The following BBX variants were observed in gnomAD, a reference collection of about 807,000 sequenced individuals.
BBX encodes the protein HMG box transcription factor BBX.
In BBX, 30 loss-of-function variants were observed where a neutral mutation model predicts 100.2. That is an observed-to-expected ratio of 0.30 (90% CI 0.22 to 0.41). The LOEUF (loss-of-function observed/expected upper bound fraction) is 0.41, where lower values mean the gene tolerates loss of function less well. Ranked by LOEUF, BBX falls within the 10% of genes least tolerant of loss-of-function variation. The probability of loss-of-function intolerance (pLI) is 1.00; values close to 1 mark genes in which losing one functional copy is unlikely to be tolerated. For missense variants in BBX, 1,023 were observed against 1,129.8 expected, an observed-to-expected ratio of 0.91 and a Z score of 1.35; for synonymous variants, 376 against 388.1, an observed-to-expected ratio of 0.97 and a Z score of 0.37.
At chr3:107,583,483 A>G (rs1487226171) in intron 2 of BBX, among the ~76,000 whole-genome samples, 1 of 151,960 alleles carries the variant, frequency 6.6e-6, no homozygotes, top group East Asian at 1.9e-4. Flanking sequence ...TTGATATATC[A>G]TAGTTGTACA....
intron 2 of BBX, among the ~76,000 whole-genome samples, chr3:107,615,255 GA>G (rs1281922862): frequency 1.3e-5 from 2 of 152,172 alleles, no homozygotes; most frequent in African/African-American, 2.4e-5. Flanking sequence ...ATGAGAATAA[GA>G]ATGAGTAAAC....
chr3:107,709,310 CAG>C (rs2061574038), intron 3 of BBX, among the ~76,000 whole-genome samples: 1 of 152,126 alleles, frequency 6.6e-6, no homozygotes, highest in South Asian at 2.1e-4. Context: ...ATAAGGAAGA[CAG>C]ATAACCTATA....
At chr3:107,555,829 C>T (rs1193365275) in intron 2 of BBX, among the ~76,000 whole-genome samples, 2 of 152,186 alleles carry the variant, frequency 1.3e-5, no homozygotes, top group African/African-American at 2.4e-5. Context: ...CTAAAAATTT[C>T]TGTATGAATA....
intron 9 of BBX, among the ~76,000 whole-genome samples, chr3:107,750,885 T>C (rs1399763384): frequency 6.6e-6 from 1 of 152,104 alleles, no homozygotes; most frequent in Admixed American, 6.6e-5. Context: ...AATTCTTGTT[T>C]TAATTAGTCA....
At chr3:107,706,091 C>T (rs887633573) in intron 3 of BBX, among the ~76,000 whole-genome samples, 5 of 146,672 alleles carry the variant, frequency 3.4e-5, no homozygotes, top group Admixed American at 7.0e-5. Context: ...GGCATAATCT[C>T]GGCTCACTAC....
chr3:107,686,012 C>T (rs915703663), intron 3 of BBX, among the ~76,000 whole-genome samples: 2 of 152,006 alleles, frequency 1.3e-5, no homozygotes, highest in African/African-American at 2.4e-5. Flanking sequence ...ATTTCAGAGG[C>T]GGAAAGTGAA....
At chr3:107,697,659 T>C (rs1021592806) in intron 3 of BBX, among the ~76,000 whole-genome samples, 16 of 151,904 alleles carry the variant, frequency 1.1e-4, no homozygotes, top group African/African-American at 3.6e-4. Flanking sequence ...TGTTTGTCTG[T>C]GCCCTGCCCC....
intron 2 of BBX, among the ~76,000 whole-genome samples, chr3:107,544,351 G>A (rs185170272): frequency 6.6e-6 from 1 of 152,290 alleles, no homozygotes; most frequent in Non-Finnish European, 1.5e-5. Context: ...TGTCGTCACA[G>A]AGATACAGAT....
At chr3:107,652,398 A>G (rs997664881) in intron 3 of BBX, among the ~76,000 whole-genome samples, 1 of 110,388 alleles carries the variant, frequency 9.1e-6, no homozygotes, top group Non-Finnish European at 1.9e-5. Context: ...CTGTGTACTT[A>G]TAGACTAAAG....
chr3:107,525,007 C>CG, intron 1 of BBX, among the ~76,000 whole-genome samples: 1 of 148,616 alleles, frequency 6.7e-6, no homozygotes, highest in Non-Finnish European at 1.5e-5. Flanking sequence ...TTTCCCCGCG[C>CG]GGGGAGGGGC....
chr3:107,649,747 A>G (rs182594295), intron 3 of BBX, among the ~76,000 whole-genome samples: 2 of 152,304 alleles, frequency 1.3e-5, no homozygotes, highest in African/African-American at 2.4e-5. Flanking sequence ...TTCTACCGGA[A>G]ATTGGAAGTG....
chr3:107,550,102 G>A (rs1182779055), intron 2 of BBX, among the ~76,000 whole-genome samples: 2 of 152,104 alleles, frequency 1.3e-5, no homozygotes, highest in Non-Finnish European at 2.9e-5. Flanking sequence ...CACTGTGAAT[G>A]TTACAAAGTA....
rs558811729 is a variant in BBX at position 107,557,244 on chromosome 3, T to C, written c.-84+30846T>C. ...TTCATTTTGTGGCTTCTACTTGATATACCACTCTGTATTCTTCAGGGATGA... is the reference window on the plus strand; with the variant it reads ...TTCATTTTGTGGCTTCTACTTGATACACCACTCTGTATTCTTCAGGGATGA... On this transcript the variant is annotated intron_variant, in intron 2 of 17. Transcript: ENST00000325805. 3.3e-3 allele frequency among the ~76,000 whole-genome samples: 496 copies of C among 152,374 alleles called. 1 individual carries two copies. Among genetic ancestry groups the C allele is most frequent in the African/African-American group, 0.012 (481 of 41,588 alleles).
chr3:107,690,793 A>T (rs969048302), intron 3 of BBX, among the ~76,000 whole-genome samples: 1 of 151,516 alleles, frequency 6.6e-6, no homozygotes, highest in African/African-American at 2.4e-5. Context: ...GTAGTGATTT[A>T]CAACATTCTT....
At chr3:107,724,310 C>T (rs2062757398) in intron 5 of BBX, among the ~76,000 whole-genome samples, 3 of 152,172 alleles carry the variant, frequency 2.0e-5, no homozygotes, top group Admixed American at 1.3e-4. Flanking sequence ...GATATGAGCC[C>T]TTTGTCAGAT....
At chr3:107,685,699 G>T (rs938246160) in intron 3 of BBX, among the ~76,000 whole-genome samples, 1 of 152,168 alleles carries the variant, frequency 6.6e-6, no homozygotes, top group Non-Finnish European at 1.5e-5. Context: ...CTCTATTTGG[G>T]CAGAAGTCCC....
At position 107,566,579 on chromosome 3, in the gene BBX, T is replaced by A. The variant is rs1270934646; in HGVS notation, c.-84+40181T>A. ...TTGTTTTTTTTTTTTTTTGAGAATG[T>A]AGATCTTTGGCAACTGCTTTAGTAT... On this transcript the variant is annotated intron_variant, in intron 2 of 17. Coordinates refer to ENST00000325805, the MANE Select transcript of BBX (RefSeq NM_001142568.3). Among the ~76,000 whole-genome samples, 5 of 151,060 alleles carry A rather than the reference T, an allele frequency of 3.3e-5. No individual in the cohort carries two copies. In the East Asian group the frequency reaches 9.7e-4, roughly 29 times the overall value.
chr3:107,531,799 G>A (rs1430824456), intron 2 of BBX, among the ~76,000 whole-genome samples: 1 of 152,144 alleles, frequency 6.6e-6, no homozygotes, highest in Non-Finnish European at 1.5e-5. Context: ...AGTAGAGTAT[G>A]GGATGAGAGA....
At chr3:107,717,657 G>A (rs1308123063) in intron 5 of BBX, among the ~76,000 whole-genome samples, 1 of 152,068 alleles carries the variant, frequency 6.6e-6, no homozygotes, top group Non-Finnish European at 1.5e-5. Context: ...ATTCAGAAAG[G>A]TGGGACATTA....
Sources: gnomAD v4.1 joint callset for allele counts (sites outside exome capture counted in the v4.1 genomes callset) on GRCh38, gnomAD v4.1.1 for gene constraint, MANE v1.5 for transcripts, NCBI Gene and HGNC (gene_info 2026-07-23, HGNC 2026-07-21) for gene names.